The following AHDC1 variants were observed in gnomAD, a reference collection of about 807,000 sequenced individuals.
AHDC1 encodes AT-hook DNA binding motif containing 1.
Under a neutral mutation model 87.9 loss-of-function variants are expected in AHDC1, and 7 were observed. That is an observed-to-expected ratio of 0.08 (90% CI 0.05 to 0.15). AHDC1 has a LOEUF of 0.15. Ranked by LOEUF, AHDC1 falls within the 10% of genes least tolerant of loss-of-function variation. The pLI, the probability that AHDC1 is intolerant of heterozygous loss-of-function variation, is 1.00. For synonymous variants in AHDC1, 1,051 were observed against 1,006.8 expected (o/e 1.04, Z -0.83); for missense variants, 1,841 against 2,253.2 (o/e 0.82, Z 3.70).
chr1:27,534,261 G>GTTTTTTTTTTGTTTTTTTTTTTTTTTTTT lies in AHDC1; in HGVS notation c.*698_*699insAAAAAAAAAAAAAAAAAACAAAAAAAAAA, dbSNP rs2018539671. On this transcript the variant is annotated 3_prime_UTR_variant, in exon 9 of 9. Transcript: ENST00000673934. The stretch of plus-strand genomic sequence containing the variant: ...GACACAAGGTTGGTTTTTTTTTTTT[G>GTTTTTTTTTTGTTTTTTTTTTTTTTTTTT]TTTTTTTTTTGTTTTTTTTTTGCTT... The GTTTTTTTTTTGTTTTTTTTTTTTTTTTTT allele has an allele frequency of 1.1e-5, 1 of 89,648 alleles. No individual in the cohort carries two copies. Among genetic ancestry groups the GTTTTTTTTTTGTTTTTTTTTTTTTTTTTT allele is most frequent in the African/African-American group, 4.0e-5 (1 of 25,016 alleles). 5.6% of individuals were successfully genotyped at this position (89,648 alleles called of 1,614,324 possible). A position where few individuals can be genotyped will look rare whatever the true frequency, so the allele number is the denominator to read the frequency against.
At chr1:27,556,186 C>T (rs1033045915) in intron 5 of AHDC1, among the ~76,000 whole-genome samples, 2 of 151,068 alleles carry the variant, frequency 1.3e-5, no homozygotes, top group Admixed American at 6.6e-5. Context: ...CCACCCTCCC[C>T]GGCTGTGGCT....
Position 27,548,963 on chromosome 1 carries a change from G to C in AHDC1, c.3153C>G (p.Pro1051=). 2 of 1,572,290 alleles carry C rather than the reference G, an allele frequency of 1.3e-6. No individual in the cohort carries two copies. Among genetic ancestry groups the C allele is most frequent in the Non-Finnish European group, 1.7e-6 (2 of 1,157,128 alleles). ...SEGAPFSGSA[P]TPLRCDSRAS... ...CCCGGCTGTCACAGCGCAGGGGCGT[G>C]GGGGCTGAACCAGAGAAGGGGGCCC... The change falls in exon 8 of 9, where the codon CCC becomes CCG. Residue 1051 remains proline (P), a synonymous_variant. Coordinates refer to ENST00000673934, the MANE Select transcript of AHDC1 (RefSeq NM_001371928.1).
rs925353829 is a variant in AHDC1 at position 27,595,069 on chromosome 1, T to G, written c.-629+8328A>C. Among the ~76,000 whole-genome samples, 2 of 151,930 alleles carry G rather than the reference T, an allele frequency of 1.3e-5. No homozygotes were observed. The highest frequency in any genetic ancestry group is 4.8e-5 in the African/African-American group (2 of 41,312). ...ATCCAGGAGGCAGTGTGCACAAGTTTCAGGAGGTATTAGAAGCTTCGGGGC... is the reference window on the plus strand; with the variant it reads ...ATCCAGGAGGCAGTGTGCACAAGTTGCAGGAGGTATTAGAAGCTTCGGGGC... On this transcript the variant is annotated intron_variant, in intron 3 of 8. Transcript: ENST00000673934. This position sits in a 1 kb window ranked among gnomAD's most constrained non-coding sequence, Gnocchi z 4.0.
intron 3 of AHDC1, among the ~76,000 whole-genome samples, chr1:27,580,062 G>A (rs970159061): frequency 1.3e-5 from 2 of 152,162 alleles, no homozygotes; most frequent in African/African-American, 2.4e-5. Flanking sequence ...TGGAAAGGGT[G>A]TCTCTACTTC....
chr1:27,540,409 A>C (rs1425593064), intron 8 of AHDC1, among the ~76,000 whole-genome samples: 9 of 151,854 alleles, frequency 5.9e-5, no homozygotes, highest in East Asian at 3.9e-4. Flanking sequence ...AAAAAAAAAA[A>C]ACAAAAAAAC....
In AHDC1 at chr1:27,561,834, G is replaced by A. The variant is rs1364494178; in HGVS notation, c.-628-2951C>T. 3.3e-5 allele frequency among the ~76,000 whole-genome samples: 5 copies of A among 152,016 alleles called. No individual in the cohort carries two copies. Among genetic ancestry groups the A allele is most frequent in the Non-Finnish European group, 7.4e-5 (5 of 67,998 alleles). ...AAGACAGAAACTGGAAGACGGGCAC[G>A]CACAAACACAAAAGCAGAGACGGAC... On this transcript the variant is annotated intron_variant, in intron 3 of 8. Coordinates refer to ENST00000673934, the MANE Select transcript of AHDC1 (RefSeq NM_001371928.1). This position sits in a 1 kb window ranked among gnomAD's most constrained non-coding sequence, Gnocchi z 4.2.
chr1:27,570,828 C>T (rs2020533068), intron 3 of AHDC1, among the ~76,000 whole-genome samples: 1 of 152,146 alleles, frequency 6.6e-6, no homozygotes. Flanking sequence ...CTTGCCCCAG[C>T]TTCTTGGCTC....
chr1:27,583,791 T>C (rs1255118127), intron 3 of AHDC1, among the ~76,000 whole-genome samples: 2 of 152,222 alleles, frequency 1.3e-5, no homozygotes, highest in Admixed American at 6.5e-5. Flanking sequence ...AAGGATAATA[T>C]GAGCCCCTGC....
rs201861500 is a variant in AHDC1, at chr1:27,550,481, A to G, written c.1635T>C (p.Arg545=). The G allele has an allele frequency of 6.2e-7, 1 of 1,605,768 alleles. No individual in the cohort carries two copies. The highest frequency in any genetic ancestry group is 2.2e-5 in the East Asian group (1 of 44,696). ...GGTTCTTAGGAGGGCGGCCGCGCTT[A>G]CGTTTGAGAATAATGGGCATCTCAC... ...PPGEMPIILK[R]KRGRPPKNLL... Residue 545 remains arginine, a synonymous_variant, in exon 8 of 9, where the codon CGT becomes CGC. Transcript: ENST00000673934.
Position 27,552,119 on chromosome 1 carries a change from G to T in AHDC1, c.-4C>A. On this transcript the variant is annotated 5_prime_UTR_variant, in exon 8 of 9. The change creates a premature stop within an existing upstream ORF in the 5' untranslated region. Transcript: ENST00000673934. Reference sequence around the variant, plus strand: ...GGCCCTGGGGCTTCACACGCATCCTGACCTTGTCCTCCGCAGGCCGCCGGG... The same window carrying T: ...GGCCCTGGGGCTTCACACGCATCCTTACCTTGTCCTCCGCAGGCCGCCGGG... 6.9e-7 allele frequency: 1 copy of T among 1,447,134 alleles called. No homozygotes were observed. The allele number at this position is 1,447,134 out of a possible 1,614,324, so 89.6% of individuals were successfully genotyped here. A position where few individuals can be genotyped will look rare whatever the true frequency, so the allele number is the denominator to read the frequency against.
At chr1:27,570,391 C>T (rs1350510497) in intron 3 of AHDC1, among the ~76,000 whole-genome samples, 2 of 151,988 alleles carry the variant, frequency 1.3e-5, no homozygotes, top group Non-Finnish European at 2.9e-5. Flanking sequence ...TTTTAGAGAC[C>T]ACTGGCCTAA....
chr1:27,549,817 C>T lies in AHDC1; in HGVS notation c.2299G>A (p.Glu767Lys), dbSNP rs773804024. ...SGPGFGEAGA[E>K]WAGDKGGGWA... Reference sequence around the variant, plus strand: ...CCACCACCCTTATCCCCGGCCCACTCAGCACCTGCCTCCCCAAAGCCTGGG... The same window carrying T: ...CCACCACCCTTATCCCCGGCCCACTTAGCACCTGCCTCCCCAAAGCCTGGG... Residue 767 changes from glutamate to lysine, a missense_variant, in exon 8 of 9, where the codon GAG becomes AAG. By Grantham distance (56) the Glu-to-Lys change is moderately conservative. Coordinates refer to ENST00000673934, the MANE Select transcript of AHDC1 (RefSeq NM_001371928.1). The T allele has an allele frequency of 6.2e-7, 1 of 1,613,666 alleles. No individual in the cohort carries two copies. Among genetic ancestry groups the T allele is most frequent in the Non-Finnish European group, 8.5e-7 (1 of 1,179,940 alleles).
Position 27,597,457 on chromosome 1 carries a change from C to T in AHDC1, c.-629+5940G>A, listed in dbSNP as rs548503859. Among the ~76,000 whole-genome samples, 216 of 152,122 alleles carry T rather than the reference C, an allele frequency of 1.4e-3. 1 individual carries two copies. The highest frequency in any genetic ancestry group is 5.1e-3 in the African/African-American group (212 of 41,470). ...CTGCGTTTATACGAGGGGCATCCCCCGGGTGAATGTGAGGGGGTGTTTCCC... is the reference window on the plus strand; with the variant it reads ...CTGCGTTTATACGAGGGGCATCCCCTGGGTGAATGTGAGGGGGTGTTTCCC... On this transcript the variant is annotated intron_variant, in intron 3 of 8. Transcript: ENST00000673934.
At chr1:27,573,413 G>A (rs2088606836) in intron 3 of AHDC1, among the ~76,000 whole-genome samples, 1 of 152,182 alleles carries the variant, frequency 6.6e-6, no homozygotes, top group African/African-American at 2.4e-5. Flanking sequence ...AAGACACTGG[G>A]GAGTAGGGTA....
At chr1:27,574,369 C>T (rs981164408) in intron 3 of AHDC1, among the ~76,000 whole-genome samples, 1 of 150,326 alleles carries the variant, frequency 6.7e-6, no homozygotes, top group African/African-American at 2.5e-5. Context: ...CACACGGGTG[C>T]CCTTCATTTC....
At chr1:27,574,939 A>C (rs929391718) in intron 3 of AHDC1, among the ~76,000 whole-genome samples, 6 of 152,202 alleles carry the variant, frequency 3.9e-5, no homozygotes, top group Admixed American at 6.5e-5. Context: ...CAAGGTGCAG[A>C]AATGCTCTCA....
In AHDC1 at chr1:27,595,768, G is replaced by GT. The variant is rs936143009; in HGVS notation, c.-629+7628dup. ...CAGGCTATCGTCCGTGCATGCACAG[G>GT]TATGAGGGCTGTAACCAGGTTCCTG... is the stretch of plus-strand genomic sequence containing the variant. On this transcript the variant is annotated intron_variant, in intron 3 of 8. Coordinates refer to ENST00000673934, the MANE Select transcript of AHDC1 (RefSeq NM_001371928.1). The surrounding 1 kb of genome is among the most constrained non-coding windows in gnomAD (Gnocchi z 4.0). Among the ~76,000 whole-genome samples the GT allele has an allele frequency of 1.3e-4, 20 of 151,988 alleles. No homozygotes were observed. Among genetic ancestry groups the GT allele is most frequent in the African/African-American group, 4.6e-4 (19 of 41,340 alleles).
intron 3 of AHDC1, among the ~76,000 whole-genome samples, chr1:27,599,169 C>T (rs1158249791): frequency 6.6e-6 from 1 of 152,100 alleles, no homozygotes; most frequent in Non-Finnish European, 1.5e-5. Context: ...ACCCTCCACA[C>T]AGCCCTACCA....
chr1:27,586,838 C>T (rs1334321953), intron 3 of AHDC1, among the ~76,000 whole-genome samples: 1 of 152,194 alleles, frequency 6.6e-6, no homozygotes, highest in East Asian at 1.9e-4. Context: ...GGGGGTTGGA[C>T]ACTGGGCCAC....
Sources: gnomAD v4.1 joint callset for allele counts (sites outside exome capture counted in the v4.1 genomes callset) on GRCh38, gnomAD v4.1.1 for gene constraint, Gnocchi (gnomAD v3.1) non-coding constraint, MANE v1.5 for transcripts, NCBI Gene and HGNC (gene_info 2026-07-23, HGNC 2026-07-21) for gene names.